MRPL30: variants seen among roughly 807,000 people sequenced by gnomAD.
The protein encoded by MRPL30 is mitochondrial ribosomal protein L30, also known as large ribosomal subunit protein uL30m.
In MRPL30, 10 loss-of-function variants were observed where a neutral mutation model predicts 17.2. That is an observed-to-expected ratio of 0.58 (90% CI 0.36 to 0.99). The LOEUF is 0.99. MRPL30 is among the 50% of genes least tolerant of loss of function. MRPL30 has a pLI of 0.01. For missense variants in MRPL30, 170 were observed against 189.8 expected, an observed-to-expected ratio of 0.90 and a Z score of 0.61; for synonymous variants, 61 against 62.1, an observed-to-expected ratio of 0.98 and a Z score of 0.08.
intron 3 of MRPL30, among the ~76,000 whole-genome samples, chr2:99,190,176 G>A (rs932367625): frequency 1.3e-5 from 2 of 152,008 alleles, no homozygotes; most frequent in African/African-American, 4.8e-5. Context: ...CTAGCTTCTG[G>A]TGACTACCAT....
intron 1 of MRPL30, chr2:99,185,711 C>G (rs2093932846): frequency 2.4e-6 from 1 of 412,586 alleles, no homozygotes; most frequent in African/African-American, 2.1e-5. Context: ...GGTTCCAGAC[C>G]ACAAACTTTA....
chr2:99,181,248 C>A lies in MRPL30; in HGVS notation c.-29C>A. 2.3e-6 allele frequency: 1 copy of A among 427,206 alleles called. No individual in the cohort carries two copies. The highest frequency in any genetic ancestry group is 4.2e-6 in the Non-Finnish European group (1 of 237,054). The allele number at this position is 427,206 out of a possible 1,614,324, so 26.5% of individuals were successfully genotyped here. A position where few individuals can be genotyped will look rare whatever the true frequency, so the allele number is the denominator to read the frequency against. On this transcript the variant is annotated splice_region_variant and 5_prime_UTR_variant, in exon 1 of 6. Coordinates refer to ENST00000338148, the MANE Select transcript of MRPL30 (RefSeq NM_145212.4). ...TTCAGGCTGAAGGTTTAGCGGGTGC[C>A]GGTGAGTGGGGAATGAGTGGCGGAG...
chr2:99,195,276 A>G, intron 5 of MRPL30, 87 bp downstream of exon 5: 1 of 1,355,254 alleles, frequency 7.4e-7, no homozygotes, highest in South Asian at 1.4e-5. Context: ...ATGTTCTGAA[A>G]AAAACTTTTT....
intron 3 of MRPL30, among the ~76,000 whole-genome samples, chr2:99,193,809 C>G (rs534062934): frequency 6.6e-6 from 1 of 152,084 alleles, no homozygotes; most frequent in African/African-American, 2.4e-5. Context: ...GAGGCCAAGG[C>G]GGGCGGATCA....
At chr2:99,189,106 A>G (rs1038371170) in intron 3 of MRPL30, among the ~76,000 whole-genome samples, 5 of 152,242 alleles carry the variant, frequency 3.3e-5, no homozygotes, top group African/African-American at 1.2e-4. Context: ...CAGCATATAC[A>G]GTGTCCCCCA....
chr2:99,188,532 A>G (rs549012651), intron 3 of MRPL30, among the ~76,000 whole-genome samples: 1 of 152,186 alleles, frequency 6.6e-6, no homozygotes, highest in African/African-American at 2.4e-5. Flanking sequence ...TGGTATCACC[A>G]TTGTCCTGAG....
At chr2:99,189,132 C>T (rs2093939569) in intron 3 of MRPL30, among the ~76,000 whole-genome samples, 1 of 152,196 alleles carries the variant, frequency 6.6e-6, no homozygotes, top group South Asian at 2.1e-4. Flanking sequence ...GATGAACCAA[C>T]GGGACACAGT....
At position 99,198,343 on chromosome 2, in the gene MRPL30, CT is replaced by C. The variant is rs1489290656; in HGVS notation, c.*2639del. Among the ~76,000 whole-genome samples, 4 of 152,208 alleles carry C rather than the reference CT, an allele frequency of 2.6e-5. No individual in the cohort carries two copies. The highest frequency in any genetic ancestry group is 5.9e-5 in the Non-Finnish European group (4 of 68,046). On this transcript the variant is annotated 3_prime_UTR_variant, in exon 6 of 6. Transcript: ENST00000338148. Reference sequence around the variant, plus strand: ...GTAGCTTTGACAGGGAAGGGATCTGCTCCCAAGCACTCTCAGGTTGTTGGCA... The same window carrying C: ...GTAGCTTTGACAGGGAAGGGATCTGCCCCAAGCACTCTCAGGTTGTTGGCA...
rs748108763 is a variant in MRPL30, at chr2:99,194,818, A to G, written c.200A>G (p.His67Arg). The stretch of plus-strand genomic sequence containing the variant: ...GATCCACAGAACCCTCATAAACTGC[A>G]TATTGTTACCAGAATAAAAAGTACA... ...GGDPQNPHKLHIVTRIKSTRR... is the reference protein window; with the variant it reads ...GGDPQNPHKLRIVTRIKSTRR... The change falls in exon 4 of 6, where the codon CAT becomes CGT. Residue 67 changes from histidine to arginine, a missense_variant. By Grantham distance (29) the His-to-Arg change is conservative. Transcript: ENST00000338148. 1.2e-5 allele frequency: 20 copies of G among 1,600,086 alleles called. No individual in the cohort carries two copies. The highest frequency in any genetic ancestry group is 1.7e-5 in the Non-Finnish European group (20 of 1,175,474).
chr2:99,182,754 TC>T (rs368323521), intron 1 of MRPL30, among the ~76,000 whole-genome samples: 29 of 152,352 alleles, frequency 1.9e-4, no homozygotes, highest in African/African-American at 6.7e-4. Context: ...CTTCAGTTAT[TC>T]TGCAAAAATA....
At chr2:99,190,780 G>GA (rs1170290326) in intron 3 of MRPL30, among the ~76,000 whole-genome samples, 1 of 152,106 alleles carries the variant, frequency 6.6e-6, no homozygotes, top group Non-Finnish European at 1.5e-5. Flanking sequence ...AGACCACCAG[G>GA]AAAAATAGCT....
chr2:99,193,517 TTA>T (rs1202927732), intron 3 of MRPL30, among the ~76,000 whole-genome samples: 1 of 152,170 alleles, frequency 6.6e-6, no homozygotes, highest in Non-Finnish European at 1.5e-5. Flanking sequence ...TATATATATT[TTA>T]TATGAGTCTT....
chr2:99,188,259 TA>T lies in MRPL30; in HGVS notation c.132+4del. On this transcript the variant is annotated splice_donor_region_variant and intron_variant, in intron 3 of 5. Transcript: ENST00000338148. ...ACCAGATCAAGAATTCCAGAAAAAGTAAGAACAAAGTTTGATTTTTTTAATG... is the reference window on the plus strand; with the variant it reads ...ACCAGATCAAGAATTCCAGAAAAAGTAGAACAAAGTTTGATTTTTTTAATG... 1 of 1,600,122 alleles carries T rather than the reference TA, an allele frequency of 6.2e-7. No homozygotes were observed. The highest frequency in any genetic ancestry group is 8.5e-7 in the Non-Finnish European group (1 of 1,173,922).
At chr2:99,188,084 G>T in intron 2 of MRPL30, 93 bp from the exon 3 acceptor site, 1 of 885,584 alleles carries the variant, frequency 1.1e-6, no homozygotes, top group South Asian at 1.8e-5. Context: ...TATAGGGTAG[G>T]TTGGAACAGA....
intron 1 of MRPL30, among the ~76,000 whole-genome samples, chr2:99,183,826 C>T (rs1173101185): frequency 6.6e-6 from 1 of 152,076 alleles, no homozygotes; most frequent in Admixed American, 6.6e-5. Flanking sequence ...TGCCAAATGT[C>T]CTTTTGCTAT....
chr2:99,181,882 T>G (rs936330260), intron 1 of MRPL30, among the ~76,000 whole-genome samples: 3 of 152,182 alleles, frequency 2.0e-5, no homozygotes, highest in Non-Finnish European at 4.4e-5. Context: ...CAAGAGTGAT[T>G]CCATGTTTTG....
At position 99,195,720 on chromosome 2, in the gene MRPL30, C is replaced by G. The variant is rs1408708839; in HGVS notation, c.*15C>G. On this transcript the variant is annotated 3_prime_UTR_variant, in exon 6 of 6. Transcript: ENST00000338148. Reference sequence around the variant, plus strand: ...ATGAGTCCTAATGCCCCAGCAGCTTCCGATTGGAAAATGCAAATTGTTTTT... The same window carrying G: ...ATGAGTCCTAATGCCCCAGCAGCTTGCGATTGGAAAATGCAAATTGTTTTT... 6.2e-7 allele frequency: 1 copy of G among 1,607,772 alleles called. No homozygotes were observed. Among genetic ancestry groups the G allele is most frequent in the Admixed American group, 1.7e-5 (1 of 57,972 alleles).
chr2:99,194,843 A>G lies in MRPL30; in HGVS notation c.225A>G (p.Thr75=), dbSNP rs578255960. ...ATATTGTTACCAGAATAAAAAGTACAAGAAGACGTCCATATTGGGAAAAAG... is the reference window on the plus strand; with the variant it reads ...ATATTGTTACCAGAATAAAAAGTACGAGAAGACGTCCATATTGGGAAAAAG... ...KLHIVTRIKS[T]RRRPYWEKDI... The change falls in exon 4 of 6, where the codon ACA becomes ACG. Residue 75 remains threonine, a synonymous_variant. Transcript: ENST00000338148. 8.2e-6 allele frequency: 13 copies of G among 1,593,570 alleles called. No individual in the cohort carries two copies. The South Asian group carries it at 1.5e-4, about 18-fold the overall frequency.
chr2:99,188,848 G>A (rs1025825749), intron 3 of MRPL30, among the ~76,000 whole-genome samples: 9 of 151,932 alleles, frequency 5.9e-5, no homozygotes, highest in Non-Finnish European at 1.2e-4. Context: ...CCACAGGCCC[G>A]TGCCACCACA....
Sources: gnomAD v4.1 joint callset for allele counts (sites outside exome capture counted in the v4.1 genomes callset) on GRCh38, gnomAD v4.1.1 for gene constraint, MANE v1.5 for transcripts, NCBI Gene and HGNC (gene_info 2026-07-23, HGNC 2026-07-21) for gene names.